The following SH3RF3 variants were observed in gnomAD, a reference collection of about 807,000 sequenced individuals.
The protein encoded by SH3RF3 is E3 ubiquitin-protein ligase SH3RF3.
A neutral mutation model predicts 66.3 loss-of-function variants in SH3RF3; 29 were observed. That is an observed-to-expected ratio of 0.44 (90% CI 0.33 to 0.60). The LOEUF (loss-of-function observed/expected upper bound fraction) is 0.60, where lower values mean the gene tolerates loss of function less well. Ranked by LOEUF, SH3RF3 falls within the 20% of genes least tolerant of loss-of-function variation. The pLI, the probability that SH3RF3 is intolerant of heterozygous loss-of-function variation, is 0.04. For missense variants in SH3RF3, 1,194 were observed against 1,190.9 expected (o/e 1.00, Z -0.04); for synonymous variants, 583 against 532.0 (o/e 1.10, Z -1.32).
chr2:109,388,699 C>T (rs1215659269), intron 3 of SH3RF3, among the ~76,000 whole-genome samples: 1 of 152,244 alleles, frequency 6.6e-6, no homozygotes, highest in Non-Finnish European at 1.5e-5. Flanking sequence ...ACATTTGAAG[C>T]ATCTGTGAAA....
rs1176636427 is a variant in SH3RF3, at chr2:109,129,702, G to A, written c.162G>A (p.Leu54=). 2.0e-6 allele frequency: 3 copies of A among 1,534,892 alleles called. No individual in the cohort carries two copies. Among genetic ancestry groups the A allele is most frequent in the South Asian group, 2.4e-5 (2 of 82,908 alleles). ...TGGACGAGTCGTCGCTGCTGGACCTGCTGGAGTGCTCCGTGTGTCTGGAGC... is the reference window on the plus strand; with the variant it reads ...TGGACGAGTCGTCGCTGCTGGACCTACTGGAGTGCTCCGTGTGTCTGGAGC... ...EDMDESSLLD[L]LECSVCLERL... The change falls in exon 1 of 10, where the codon CTG becomes CTA. Residue 54 remains leucine, a synonymous_variant. Transcript: ENST00000309415.
chr2:109,219,361 A>G (rs1679175948), intron 1 of SH3RF3, among the ~76,000 whole-genome samples: 1 of 152,202 alleles, frequency 6.6e-6, no homozygotes, highest in Non-Finnish European at 1.5e-5. Context: ...AAAAATTTTC[A>G]CCATCACTTA....
intron 1 of SH3RF3, among the ~76,000 whole-genome samples, chr2:109,149,334 C>T (rs1574475086): frequency 1.3e-5 from 2 of 152,188 alleles, no homozygotes; most frequent in South Asian, 2.1e-4. Context: ...GACTTGAGCT[C>T]CTCTACTCCA....
chr2:109,358,118 A>C (rs1682988087), intron 2 of SH3RF3, among the ~76,000 whole-genome samples: 1 of 152,176 alleles, frequency 6.6e-6, no homozygotes, highest in Non-Finnish European at 1.5e-5. Flanking sequence ...TTCCTTTCCC[A>C]GAACGTCATA....
intron 1 of SH3RF3, among the ~76,000 whole-genome samples, chr2:109,193,549 G>A (rs181428430): frequency 1.6e-4 from 24 of 152,258 alleles, no homozygotes; most frequent in African/African-American, 5.1e-4. Flanking sequence ...TCCCCATGAT[G>A]TTTCTGAAGC....
At chr2:109,188,338 C>T (rs1280365859) in intron 1 of SH3RF3, among the ~76,000 whole-genome samples, 1 of 152,206 alleles carries the variant, frequency 6.6e-6, no homozygotes, top group African/African-American at 2.4e-5. Context: ...AGCGTGGTCT[C>T]TTGGTCCTGT....
intron 1 of SH3RF3, among the ~76,000 whole-genome samples, chr2:109,294,763 G>A (rs1451924022): frequency 1.3e-5 from 2 of 152,090 alleles, no homozygotes; most frequent in Non-Finnish European, 2.9e-5. Context: ...GGGCAGTCAC[G>A]ACCCGAGTGG....
At chr2:109,364,111 C>G (rs1295649978) in intron 2 of SH3RF3, among the ~76,000 whole-genome samples, 1 of 151,516 alleles carries the variant, frequency 6.6e-6, no homozygotes, top group East Asian at 1.9e-4. Flanking sequence ...AATTGCCCCA[C>G]AATTCTTGCT....
chr2:109,184,237 G>A (rs1436397114), intron 1 of SH3RF3, among the ~76,000 whole-genome samples: 1 of 152,178 alleles, frequency 6.6e-6, no homozygotes, highest in South Asian at 2.1e-4. Context: ...AGTTCTGGGA[G>A]CTTCTTGGAT....
At chr2:109,176,270 G>A (rs1027655583) in intron 1 of SH3RF3, among the ~76,000 whole-genome samples, 4 of 152,200 alleles carry the variant, frequency 2.6e-5, no homozygotes, top group Non-Finnish European at 4.4e-5. Flanking sequence ...AAATAGAAAA[G>A]GGTACAGAGG....
intron 8 of SH3RF3, among the ~76,000 whole-genome samples, chr2:109,484,475 C>A (rs1465248213): frequency 6.6e-6 from 1 of 152,162 alleles, no homozygotes; most frequent in Non-Finnish European, 1.5e-5. Flanking sequence ...TCTGACCACT[C>A]CCTTGGCCAC....
chr2:109,475,702 CT>C (rs1678664544), intron 8 of SH3RF3, among the ~76,000 whole-genome samples: 1 of 152,248 alleles, frequency 6.6e-6, no homozygotes, highest in African/African-American at 2.4e-5. Flanking sequence ...CAGTAGCACG[CT>C]GCTGCACCCC....
chr2:109,268,698 G>A (rs1308868231), intron 1 of SH3RF3, among the ~76,000 whole-genome samples: 2 of 151,754 alleles, frequency 1.3e-5, no homozygotes, highest in Admixed American at 6.6e-5. Context: ...TTCACTTTCA[G>A]GGCAGTGTTC....
At chr2:109,294,907 G>A (rs1382924918) in intron 1 of SH3RF3, among the ~76,000 whole-genome samples, 2 of 152,256 alleles carry the variant, frequency 1.3e-5, no homozygotes, top group Non-Finnish European at 2.9e-5. Context: ...GAGAAGCAGG[G>A]AGGGAAGGAA....
chr2:109,385,530 C>T (rs891638523), intron 3 of SH3RF3, among the ~76,000 whole-genome samples: 21 of 152,244 alleles, frequency 1.4e-4, no homozygotes, highest in African/African-American at 4.8e-4. Flanking sequence ...GTGAAGGAAA[C>T]AATCACTTAG....
chr2:109,413,099 G>C (rs1192876324), intron 4 of SH3RF3, among the ~76,000 whole-genome samples: 1 of 152,174 alleles, frequency 6.6e-6, no homozygotes, highest in African/African-American at 2.4e-5. Flanking sequence ...TTTCTGACTT[G>C]TCTGATTATC....
chr2:109,287,701 A>G (rs1192061926), intron 1 of SH3RF3, among the ~76,000 whole-genome samples: 1 of 152,152 alleles, frequency 6.6e-6, no homozygotes, highest in Non-Finnish European at 1.5e-5. Flanking sequence ...CAGAGGCCTC[A>G]GATCTCATCA....
At chr2:109,297,047 TGG>T (rs1358679467) in intron 1 of SH3RF3, among the ~76,000 whole-genome samples, 1 of 152,054 alleles carries the variant, frequency 6.6e-6, no homozygotes, top group African/African-American at 2.4e-5. Flanking sequence ...GGGTATTTGG[TGG>T]GGCCAACTAG....
At chr2:109,251,329 T>C in intron 1 of SH3RF3, 1 of 487,962 alleles carries the variant, frequency 2.0e-6, no homozygotes, top group South Asian at 1.8e-5. Flanking sequence ...AACAAAGAAT[T>C]AGAGAGATGC....
Sources: allele counts gnomAD v4.1 joint callset (sites outside exome capture counted in the v4.1 genomes callset), GRCh38; gene constraint gnomAD v4.1.1; transcripts MANE v1.5; gene names NCBI Gene and HGNC (gene_info 2026-07-23, HGNC 2026-07-21).